The following RASGRP3 variants were observed in gnomAD, a reference collection of about 807,000 sequenced individuals.
RASGRP3 encodes the protein RAS guanyl releasing protein 3, also known as ras guanyl-releasing protein 3.
RASGRP3 carries 54 observed loss-of-function variants against 82.7 expected under a neutral mutation model. That is an observed-to-expected ratio of 0.65 (90% CI 0.52 to 0.82). RASGRP3 has a LOEUF of 0.82. Among genes scored for constraint, RASGRP3 ranks in the 40% least tolerant of loss-of-function variants. The probability of loss-of-function intolerance (pLI) is 0.00; values close to 1 mark genes in which losing one functional copy is unlikely to be tolerated. For synonymous variants in RASGRP3, 309 were observed against 300.5 expected, an observed-to-expected ratio of 1.03 and a Z score of -0.29; for missense variants, 861 against 828.9, an observed-to-expected ratio of 1.04 and a Z score of -0.48.
rs578212421 is a variant in RASGRP3 at position 33,499,077 on chromosome 2, AG to A, written c.-260-12632del. ...GAAATAAATGTATTCAATAATCAAA[AG>A]AGAAACATCAAGACAAGAATAAGGT... is the stretch of plus-strand genomic sequence containing the variant. On this transcript the variant is annotated intron_variant, in intron 1 of 17. Coordinates refer to ENST00000403687, the MANE Select transcript of RASGRP3 (RefSeq NM_001139488.2). 3.8e-3 allele frequency among the ~76,000 whole-genome samples: 577 copies of A among 152,312 alleles called. 4 individuals carry two copies. Among genetic ancestry groups the A allele is most frequent in the African/African-American group, 0.013 (541 of 41,566 alleles).
At chr2:33,455,711 A>G (rs1046674599) in intron 2 of RASGRP3, among the ~76,000 whole-genome samples, 5 of 152,242 alleles carry the variant, frequency 3.3e-5, no homozygotes, top group Non-Finnish European at 7.3e-5. Context: ...ATTGATTAAA[A>G]CCATCTAACC....
Position 33,543,591 on chromosome 2 carries a change from C to T in RASGRP3, c.1358C>T (p.Pro453Leu). The T allele has an allele frequency of 6.2e-7, 1 of 1,609,924 alleles. No individual in the cohort carries two copies. ...EDFESIAANF[P>L]FLDSFCVLDK... is the part of the protein sequence containing the mutation. Reference sequence around the variant, plus strand: ...TTTGAAAGTATAGCTGCCAATTTTCCCTTCTTGGATTCCTTCTGTGTTCTG... The same window carrying T: ...TTTGAAAGTATAGCTGCCAATTTTCTCTTCTTGGATTCCTTCTGTGTTCTG... The change falls in exon 13 of 18, where the codon CCC becomes CTC. Residue 453 changes from proline (P) to leucine (L), a missense_variant. Pro to Leu is a moderately conservative substitution (Grantham distance 98, BLOSUM62 -3). Coordinates refer to ENST00000403687, the MANE Select transcript of RASGRP3 (RefSeq NM_001139488.2).
intron 6 of RASGRP3, 96 bp from the exon 7 acceptor site, chr2:33,521,859 G>A: frequency 6.9e-7 from 1 of 1,450,630 alleles, no homozygotes; most frequent in South Asian, 1.4e-5. Flanking sequence ...CAAGTCCCTG[G>A]AAGCAAGCCA....
upstream of RASGRP3, among the ~76,000 whole-genome samples, chr2:33,473,242 G>T (rs1353803697): frequency 6.6e-6 from 1 of 152,086 alleles, no homozygotes; most frequent in Non-Finnish European, 1.5e-5. Context: ...AATTAGCTGG[G>T]CGTGGTGGCG....
At chr2:33,542,397 T>C (rs995390479) in intron 12 of RASGRP3, among the ~76,000 whole-genome samples, 17 of 147,150 alleles carry the variant, frequency 1.2e-4, no homozygotes, top group African/African-American at 4.1e-4. Flanking sequence ...TTTAAAATAA[T>C]TTTTAGCCTG....
intron 2 of RASGRP3, among the ~76,000 whole-genome samples, chr2:33,463,752 G>A (rs191876747): frequency 1.4e-3 from 216 of 151,766 alleles, no homozygotes; most frequent in African/African-American, 4.9e-3. Flanking sequence ...GGTGCCTGCC[G>A]CCACACCTGG....
chr2:33,508,312 T>C (rs1309980653), intron 1 of RASGRP3, among the ~76,000 whole-genome samples: 1 of 152,190 alleles, frequency 6.6e-6, no homozygotes, highest in East Asian at 1.9e-4. Context: ...CATTACGGAC[T>C]TCTGAGTTAA....
At chr2:33,458,584 T>C (rs1574243678) in intron 2 of RASGRP3, among the ~76,000 whole-genome samples, 1 of 152,210 alleles carries the variant, frequency 6.6e-6, no homozygotes, top group Non-Finnish European at 1.5e-5. Flanking sequence ...CTGTAGACAC[T>C]GGGTGCCCCT....
Position 33,558,347 on chromosome 2 carries a change from C to T in RASGRP3, c.1705+11C>T, listed in dbSNP as rs777222573. The T allele has an allele frequency of 8.1e-6, 13 of 1,612,980 alleles. No individual in the cohort carries two copies. In the South Asian group the frequency reaches 1.3e-4, roughly 16 times the overall value. ...CCTCGCTGCCCCCAGGTAATGCCCTCTGCTTTCTTTGCTGCCATGGTCTCT... is the reference window on the plus strand; with the variant it reads ...CCTCGCTGCCCCCAGGTAATGCCCTTTGCTTTCTTTGCTGCCATGGTCTCT... On this transcript the variant is annotated intron_variant, in intron 16 of 17. Coordinates refer to ENST00000403687, the MANE Select transcript of RASGRP3 (RefSeq NM_001139488.2).
At chr2:33,484,808 C>T (rs1035999822) in intron 1 of RASGRP3, among the ~76,000 whole-genome samples, 1 of 152,164 alleles carries the variant, frequency 6.6e-6, no homozygotes, top group Non-Finnish European at 1.5e-5. Context: ...TAGAAGGTCA[C>T]AAGCCAGTGA....
intron 1 of RASGRP3, among the ~76,000 whole-genome samples, chr2:33,509,948 C>CT (rs1670776782): frequency 6.6e-6 from 1 of 152,092 alleles, no homozygotes; most frequent in Non-Finnish European, 1.5e-5. Flanking sequence ...AATCACAGCA[C>CT]TTTAAAAAAA....
intron 2 of RASGRP3, among the ~76,000 whole-genome samples, chr2:33,450,039 T>A (rs1369732607): frequency 6.6e-6 from 1 of 152,128 alleles, no homozygotes; most frequent in Non-Finnish European, 1.5e-5. Context: ...GGGACTAGAG[T>A]CTTCGGAAGA....
chr2:33,436,613 G>T (rs1389957238), intron 1 of RASGRP3: 1 of 152,156 alleles, frequency 6.6e-6, no homozygotes, highest in Non-Finnish European at 1.5e-5. Context: ...TTAAAAATCT[G>T]TCTGTTGTTG....
Position 33,522,023 on chromosome 2 carries a change from T to C in RASGRP3, c.437T>C (p.Leu146Pro). The C allele has an allele frequency of 1.2e-6, 2 of 1,613,980 alleles. No homozygotes were observed. The highest frequency in any genetic ancestry group is 8.5e-7 in the Non-Finnish European group (1 of 1,179,850). ...GTATCCAAGAAGGGAAAAGCCTGTC[T>C]GCTGTTTGACCATCTGGAGCCCATT... The part of the protein sequence containing the change: ...KKVSKKGKAC[L>P]LFDHLEPIEL... Residue 146 changes from leucine to proline, a missense_variant, in exon 7 of 18, where the codon CTG (leucine) becomes CCG (proline). Physicochemically the swap from Leu to Pro is moderately conservative, Grantham distance 98. Transcript: ENST00000403687.
At chr2:33,521,827 A>G (rs1672063629) in intron 6 of RASGRP3, 128 bp from the exon 7 acceptor site, 1 of 1,120,710 alleles carries the variant, frequency 8.9e-7, no homozygotes, top group African/African-American at 1.6e-5. Flanking sequence ...TCCAATATGA[A>G]AGACAGGGCA....
chr2:33,501,460 G>C (rs1669870640), intron 1 of RASGRP3, among the ~76,000 whole-genome samples: 1 of 152,158 alleles, frequency 6.6e-6, no homozygotes, highest in Non-Finnish European at 1.5e-5. Flanking sequence ...TTAAGTTTTT[G>C]AGGAGCTACC....
chr2:33,518,823 C>T (rs938659749), intron 4 of RASGRP3, among the ~76,000 whole-genome samples: 2 of 152,266 alleles, frequency 1.3e-5, no homozygotes, highest in Admixed American at 1.3e-4. Context: ...TGTCTTCCAC[C>T]TCTATCTCTT....
At chr2:33,522,133 A>T in intron 7 of RASGRP3, 31 bp downstream of exon 7, 1 of 1,583,384 alleles carries the variant, frequency 6.3e-7, no homozygotes, top group Non-Finnish European at 8.6e-7. Flanking sequence ...TCTTCCAAGG[A>T]TAACAACCAC....
At chr2:33,508,103 G>C (rs1341427107) in intron 1 of RASGRP3, among the ~76,000 whole-genome samples, 4 of 152,170 alleles carry the variant, frequency 2.6e-5, no homozygotes, top group Non-Finnish European at 4.4e-5. Flanking sequence ...CTAGATATTT[G>C]GTTGGCTGAT....
Sources: allele counts gnomAD v4.1 joint callset (sites outside exome capture counted in the v4.1 genomes callset), GRCh38; gene constraint gnomAD v4.1.1; transcripts MANE v1.5; gene names NCBI Gene and HGNC (gene_info 2026-07-23, HGNC 2026-07-21).